Variants in LRRK2 observed in about 807,000 individuals in gnomAD.
The protein encoded by LRRK2 is leucine-rich repeat serine/threonine-protein kinase 2.
A neutral mutation model predicts 302.6 loss-of-function variants in LRRK2; 203 were observed. The observed-to-expected ratio is 0.67, with a 90% CI of 0.60 to 0.75. The LOEUF is 0.75. LRRK2 is among the 30% of genes least tolerant of loss of function. LRRK2 has a pLI of 0.00. For missense variants in LRRK2, 2,830 were observed against 2,951.0 expected, an observed-to-expected ratio of 0.96 and a Z score of 0.95; for synonymous variants, 1,066 against 1,031.9, an observed-to-expected ratio of 1.03 and a Z score of -0.63.
chr12:40,280,180 G>A (rs1022481241), intron 18 of LRRK2, among the ~76,000 whole-genome samples: 2 of 152,200 alleles, frequency 1.3e-5, no homozygotes, highest in Non-Finnish European at 2.9e-5. Context: ...GCTGGGCATG[G>A]TGGCTCACAT....
At chr12:40,326,057 A>T (rs1945537634) in intron 38 of LRRK2, among the ~76,000 whole-genome samples, 1 of 152,230 alleles carries the variant, frequency 6.6e-6, no homozygotes, top group African/African-American at 2.4e-5. Flanking sequence ...GATGTCACAA[A>T]TACATAATAG....
chr12:40,364,887 T>G lies in LRRK2; in HGVS notation c.7227T>G (p.Ser2409=), dbSNP rs1592352124. The change falls in exon 49 of 51, where the codon TCT becomes TCG. Residue 2409 remains serine, a synonymous_variant. Coordinates refer to ENST00000298910, the MANE Select transcript of LRRK2 (RefSeq NM_198578.4). ...KENKESKHKM[S]YSGRVKTLCL... is the part of the protein sequence containing the mutation. ...ACAAGGAATCAAAACACAAAATGTCTTATTCTGGGAGAGTGAAAACCCTCT... is the reference window on the plus strand; with the variant it reads ...ACAAGGAATCAAAACACAAAATGTCGTATTCTGGGAGAGTGAAAACCCTCT... The G allele has an allele frequency of 1.9e-6, 3 of 1,612,394 alleles. No individual in the cohort carries two copies. In the East Asian group the frequency reaches 6.7e-5, roughly 36 times the overall value.
rs747338046 is a variant in LRRK2, at chr12:40,225,142, G to C, written c.11G>C (p.Gly4Ala). ...GAAGCAGGTGCCACCATGGCTAGTG[G>C]CAGCTGTCAGGGGTGCGAAGAGGAC... MAS[G>A]SCQGCEEDEE... Residue 4 changes from glycine to alanine, a missense_variant, in exon 1 of 51, where the codon GGC (glycine) becomes GCC (alanine). Coordinates refer to ENST00000298910, the MANE Select transcript of LRRK2 (RefSeq NM_198578.4). The C allele has an allele frequency of 6.2e-6, 10 of 1,613,850 alleles. No individual in the cohort carries two copies. In the East Asian group the frequency reaches 2.0e-4, roughly 32 times the overall value.
intron 38 of LRRK2, 130 bp from the exon 39 acceptor site, chr12:40,328,230 G>C (rs1404682043): frequency 2.8e-6 from 2 of 704,408 alleles, no homozygotes; most frequent in Admixed American, 4.6e-5. Context: ...AAGGAGATTT[G>C]ATTCAATGAA....
chr12:40,306,276 C>A (rs984608305), intron 28 of LRRK2, among the ~76,000 whole-genome samples: 8 of 151,716 alleles, frequency 5.3e-5, no homozygotes, highest in Non-Finnish European at 8.8e-5. Context: ...ATTACACAAT[C>A]TAAAGAAATA....
At chr12:40,304,846 C>A (rs1042822562) in intron 27 of LRRK2, 1 of 151,892 alleles carries the variant, frequency 6.6e-6, no homozygotes, top group African/African-American at 2.4e-5. Flanking sequence ...CAAAAAATTA[C>A]TTTTGTGATA....
intron 6 of LRRK2, among the ~76,000 whole-genome samples, chr12:40,241,884 T>A (rs1489330505): frequency 6.6e-6 from 1 of 152,130 alleles, no homozygotes; most frequent in Non-Finnish European, 1.5e-5. Context: ...CACTGGAAAG[T>A]GGGTGGGGCT....
chr12:40,337,964 C>T (rs1030947210), intron 40 of LRRK2, among the ~76,000 whole-genome samples: 1 of 152,198 alleles, frequency 6.6e-6, no homozygotes, highest in Non-Finnish European at 1.5e-5. Flanking sequence ...TCTTCACAAA[C>T]CATCTCTACT....
chr12:40,264,088 C>A (rs1026498502), intron 14 of LRRK2, among the ~76,000 whole-genome samples, 187 bp downstream of exon 14: 3 of 152,054 alleles, frequency 2.0e-5, no homozygotes, highest in Non-Finnish European at 1.5e-5. Context: ...TAAGCTAAGT[C>A]CAGCTAAGTG....
At chr12:40,361,242 TTACA>T (rs10548450) in intron 47 of LRRK2, among the ~76,000 whole-genome samples, 116,253 of 151,508 alleles carry the variant, frequency 0.77, 45,442 homozygotes, top group Non-Finnish European at 0.85. Context: ...ATTTCTGTCT[TTACA>T]TATTTATTTA....
intron 46 of LRRK2, 22 bp downstream of exon 46, chr12:40,356,209 C>T (rs755031213): frequency 3.2e-6 from 5 of 1,547,648 alleles, no homozygotes; most frequent in South Asian, 2.3e-5. Flanking sequence ...ATGCATTCTA[C>T]ATCTAAATTT....
At position 40,286,937 on chromosome 12, in the gene LRRK2, A is replaced by G. The variant is rs112881418; in HGVS notation, c.2501-414A>G. 2.6e-5 allele frequency among the ~76,000 whole-genome samples: 4 copies of G among 152,154 alleles called. 1 individual carries two copies. Among genetic ancestry groups the G allele is most frequent in the African/African-American group, 7.2e-5 (3 of 41,566 alleles). On this transcript the variant is annotated intron_variant, in intron 19 of 50. Transcript: ENST00000298910. ...GCATTGTGCTAAACATTTTATATGC[A>G]TCATTTCAATTACTCTTTTTCATCA...
chr12:40,251,647 A>G, intron 10 of LRRK2, 103 bp downstream of exon 10: 1 of 1,043,960 alleles, frequency 9.6e-7, no homozygotes, highest in Admixed American at 2.2e-5. Context: ...AATATTTTTG[A>G]TATAGGCATT....
chr12:40,291,545 T>C (rs1053689233), intron 20 of LRRK2, among the ~76,000 whole-genome samples: 1 of 151,936 alleles, frequency 6.6e-6, no homozygotes, highest in African/African-American at 2.4e-5. Flanking sequence ...GATAACTTTC[T>C]GGTTATTGGT....
At chr12:40,236,250 AG>A (rs1368563688) in intron 4 of LRRK2, among the ~76,000 whole-genome samples, 14 of 152,326 alleles carry the variant, frequency 9.2e-5, no homozygotes, top group African/African-American at 3.4e-4. Context: ...AGGCTTCACA[AG>A]TAAAATGCTT....
At chr12:40,272,145 T>A (rs73263869) in intron 14 of LRRK2, among the ~76,000 whole-genome samples, 2 of 152,010 alleles carry the variant, frequency 1.3e-5, no homozygotes, top group Admixed American at 6.5e-5. Flanking sequence ...CAACAGAGCA[T>A]TGAAGCAAGT....
In LRRK2 at chr12:40,315,316, T is replaced by A; in HGVS notation, c.4827+16T>A. On this transcript the variant is annotated intron_variant, in intron 33 of 50. Coordinates refer to ENST00000298910, the MANE Select transcript of LRRK2 (RefSeq NM_198578.4). ...CATGGCACAGGTTGGTGTCTTTTAT[T>A]TTTGTGGCACGGGGGTTATGGTCAA... 1.9e-6 allele frequency: 3 copies of A among 1,598,062 alleles called. No homozygotes were observed. Among genetic ancestry groups the A allele is most frequent in the Non-Finnish European group, 2.6e-6 (3 of 1,165,588 alleles).
Position 40,274,623 on chromosome 12 carries a change from T to A in LRRK2, c.1697T>A (p.Val566Glu). ...GGGATTCAGAAATGTGGATTAAAAG[T>A]AATTTCTTCTATTGTACATTTTCCT... ...NPGIQKCGLK[V>E]ISSIVHFPDA... Residue 566 changes from valine (V) to glutamate (E), a missense_variant, in exon 15 of 51, where the codon GTA becomes GAA. This residue lies in a region of LRRK2 where 2,121 missense variants were observed against 2,148.0 expected (regional missense o/e 0.99). Transcript: ENST00000298910. The A allele has an allele frequency of 6.2e-7, 1 of 1,613,962 alleles. No homozygotes were observed. The highest frequency in any genetic ancestry group is 8.5e-7 in the Non-Finnish European group (1 of 1,179,898).
At chr12:40,297,222 G>A (rs917921017) in intron 23 of LRRK2, among the ~76,000 whole-genome samples, 36 of 152,140 alleles carry the variant, frequency 2.4e-4, no homozygotes, top group African/African-American at 8.0e-4. Flanking sequence ...TGTTAAATGA[G>A]CAAGCAAAAT....
Sources: allele counts gnomAD v4.1 joint callset (sites outside exome capture counted in the v4.1 genomes callset), GRCh38; gene constraint gnomAD v4.1.1; regional missense constraint gnomAD v4.1.1; transcripts MANE v1.5; gene names NCBI Gene and HGNC (gene_info 2026-07-23, HGNC 2026-07-21).